The following VAT1L variants were observed in gnomAD, a reference collection of about 807,000 sequenced individuals.
The protein encoded by VAT1L is vesicle amine transport 1 like.
A neutral mutation model predicts 44.1 loss-of-function variants in VAT1L; 34 were observed. That is an observed-to-expected ratio of 0.77 (90% CI 0.59 to 1.03). The LOEUF (loss-of-function observed/expected upper bound fraction) is 1.03. VAT1L is among the 50% of genes least tolerant of loss of function. The pLI, the probability that VAT1L is intolerant of heterozygous loss-of-function variation, is 0.00. For synonymous variants in VAT1L, 253 were observed against 202.2 expected (o/e 1.25, Z -2.13); for missense variants, 615 against 538.8 (o/e 1.14, Z -1.40).
chr16:77,918,444 C>T (rs1376925536), intron 7 of VAT1L, among the ~76,000 whole-genome samples: 1 of 152,108 alleles, frequency 6.6e-6, no homozygotes, highest in East Asian at 1.9e-4. Context: ...TTCCACAGGG[C>T]CTGCTGTAAT....
chr16:77,897,204 A>C (rs914999038), intron 7 of VAT1L, among the ~76,000 whole-genome samples: 1 of 152,240 alleles, frequency 6.6e-6, no homozygotes, highest in African/African-American at 2.4e-5. Context: ...ACATCCTGGC[A>C]GATAAACATG....
intron 7 of VAT1L, among the ~76,000 whole-genome samples, chr16:77,950,125 T>C (rs931285130): frequency 5.9e-5 from 9 of 152,158 alleles, no homozygotes; most frequent in Non-Finnish European, 1.0e-4. Flanking sequence ...CACAAAAACA[T>C]TGGCCAGGTG....
chr16:77,959,485 C>G lies in VAT1L; in HGVS notation c.1078-12365C>G, dbSNP rs368481558. The stretch of plus-strand genomic sequence containing the variant: ...ACAGATGACTTTGGTAGATGTGTTT[C>G]TTAATTAAAGTATTACTCATTTCTT... On this transcript the variant is annotated intron_variant, in intron 7 of 8. Transcript: ENST00000302536. 2.7e-4 allele frequency among the ~76,000 whole-genome samples: 41 copies of G among 152,294 alleles called. No homozygotes were observed. The East Asian group carries it at 6.2e-3, about 23-fold the overall frequency.
At chr16:77,940,470 A>T (rs761854695) in intron 7 of VAT1L, among the ~76,000 whole-genome samples, 6 of 150,218 alleles carry the variant, frequency 4.0e-5, no homozygotes, top group Non-Finnish European at 7.4e-5. Context: ...CAGCCTCCTG[A>T]GTAGCTGGGA....
intron 7 of VAT1L, among the ~76,000 whole-genome samples, chr16:77,890,322 G>T (rs2017251126): frequency 6.6e-6 from 1 of 152,100 alleles, no homozygotes; most frequent in African/African-American, 2.4e-5. Flanking sequence ...GGCTGTAGAG[G>T]AGAGGAAGTA....
At chr16:77,920,514 G>A (rs72796712) in intron 7 of VAT1L, among the ~76,000 whole-genome samples, 5 of 152,214 alleles carry the variant, frequency 3.3e-5, no homozygotes, top group Non-Finnish European at 5.9e-5. Flanking sequence ...TTAGAAGACT[G>A]AATATCGAAA....
intron 3 of VAT1L, among the ~76,000 whole-genome samples, chr16:77,861,857 A>G (rs1311013875): frequency 6.6e-6 from 1 of 152,218 alleles, no homozygotes; most frequent in African/African-American, 2.4e-5. Context: ...ACTTGCTCAC[A>G]GGGTTCCCCA....
At chr16:77,930,136 T>C (rs2017712810) in intron 7 of VAT1L, among the ~76,000 whole-genome samples, 1 of 152,180 alleles carries the variant, frequency 6.6e-6, no homozygotes, top group African/African-American at 2.4e-5. Flanking sequence ...CACACCCCTC[T>C]TTCCAGCCCA....
At position 77,862,899 on chromosome 16, in the gene VAT1L, T is replaced by A; in HGVS notation, c.722+9T>A. ...GTGCAAGAAGTTAAAAGGTAAGATG[T>A]TTGCTTTTGAAAAAGCACCAGGCTG... On this transcript the variant is annotated intron_variant, in intron 4 of 8. Transcript: ENST00000302536. 4.3e-6 allele frequency: 7 copies of A among 1,612,978 alleles called. No homozygotes were observed. Among genetic ancestry groups the A allele is most frequent in the Non-Finnish European group, 5.9e-6 (7 of 1,179,498 alleles).
At chr16:77,817,142 T>C (rs1597177191) in intron 2 of VAT1L, 92 bp downstream of exon 2, 1 of 1,511,112 alleles carries the variant, frequency 6.6e-7, no homozygotes, top group East Asian at 2.3e-5. Flanking sequence ...TGAAATAACC[T>C]ATGGCGTGCA....
intron 1 of VAT1L, among the ~76,000 whole-genome samples, chr16:77,813,606 C>T (rs2016303371): frequency 6.6e-6 from 1 of 152,162 alleles, no homozygotes; most frequent in African/African-American, 2.4e-5. Context: ...TGTTGCTGTT[C>T]GTGTTTTTTC....
chr16:77,919,624 G>A (rs1416166162), intron 7 of VAT1L, among the ~76,000 whole-genome samples: 1 of 152,182 alleles, frequency 6.6e-6, no homozygotes, highest in African/African-American at 2.4e-5. Context: ...GTGTGAAATA[G>A]AGGAGAGATG....
At chr16:77,903,033 C>T (rs35015284) in intron 7 of VAT1L, among the ~76,000 whole-genome samples, 34,440 of 150,094 alleles carry the variant, frequency 0.23, 3,981 homozygotes, top group South Asian at 0.26. Flanking sequence ...TTATACCTTA[C>T]ACTCTCATAG....
intron 3 of VAT1L, among the ~76,000 whole-genome samples, chr16:77,844,339 A>G (rs1243529439): frequency 6.6e-6 from 1 of 152,202 alleles, no homozygotes; most frequent in East Asian, 1.9e-4. Flanking sequence ...TAAGTAATCT[A>G]GAGATGATTT....
At chr16:77,797,681 A>C (rs1437678245) in intron 1 of VAT1L, among the ~76,000 whole-genome samples, 4 of 152,098 alleles carry the variant, frequency 2.6e-5, no homozygotes, top group Non-Finnish European at 5.9e-5. Flanking sequence ...ACTGACACTC[A>C]ACACTGACAG....
At chr16:77,804,912 A>G (rs955161142) in intron 1 of VAT1L, among the ~76,000 whole-genome samples, 14 of 152,226 alleles carry the variant, frequency 9.2e-5, no homozygotes, top group Admixed American at 9.2e-4. Context: ...CTACTAATGT[A>G]AAGTGGTAGA....
intron 7 of VAT1L, among the ~76,000 whole-genome samples, chr16:77,950,133 G>C (rs757275076): frequency 5.3e-5 from 8 of 152,184 alleles, no homozygotes; most frequent in African/African-American, 1.2e-4. Context: ...CATTGGCCAG[G>C]TGCAGTGGCT....
intron 6 of VAT1L, chr16:77,882,511 G>C (rs534149949): frequency 1.3e-5 from 2 of 152,350 alleles, no homozygotes; most frequent in South Asian, 4.1e-4. Flanking sequence ...CTAAGCACTT[G>C]ATATGCATTA....
chr16:77,942,684 T>C (rs1330180276), intron 7 of VAT1L, among the ~76,000 whole-genome samples: 4 of 152,204 alleles, frequency 2.6e-5, no homozygotes, highest in Admixed American at 6.5e-5. Flanking sequence ...CATGTGCAGA[T>C]AGAGCAGTGG....
Sources: gnomAD v4.1 joint callset for allele counts (sites outside exome capture counted in the v4.1 genomes callset) on GRCh38, gnomAD v4.1.1 for gene constraint, MANE v1.5 for transcripts, NCBI Gene and HGNC (gene_info 2026-07-23, HGNC 2026-07-21) for gene names.